The following DOCK3 variants were observed in gnomAD, a reference collection of about 807,000 sequenced individuals.
The protein encoded by DOCK3 is dedicator of cytokinesis protein 3.
Under a neutral mutation model 265.6 loss-of-function variants are expected in DOCK3, and 60 were observed. The ratio of observed to expected loss-of-function variants is 0.23; its 90% CI spans 0.18 to 0.28. The LOEUF (loss-of-function observed/expected upper bound fraction) is 0.28, where lower values mean the gene tolerates loss of function less well. Ranked by LOEUF, DOCK3 falls within the 10% of genes least tolerant of loss-of-function variation. DOCK3 has a pLI of 1.00. For missense variants in DOCK3, 1,981 were observed against 2,594.3 expected, an observed-to-expected ratio of 0.76 and a Z score of 5.14; for synonymous variants, 881 against 938.0, an observed-to-expected ratio of 0.94 and a Z score of 1.11.
At chr3:50,862,291 A>G (rs2046954283) in intron 3 of DOCK3, among the ~76,000 whole-genome samples, 1 of 152,252 alleles carries the variant, frequency 6.6e-6, no homozygotes, top group Non-Finnish European at 1.5e-5. Flanking sequence ...GAATTAGCTT[A>G]CATATATCGT....
chr3:50,904,132 T>C (rs2049347268), intron 4 of DOCK3, among the ~76,000 whole-genome samples: 1 of 152,250 alleles, frequency 6.6e-6, no homozygotes, highest in Non-Finnish European at 1.5e-5. Flanking sequence ...ATGGTGTATA[T>C]GTGCCACATT....
chr3:51,059,342 G>C (rs943749896), intron 5 of DOCK3, among the ~76,000 whole-genome samples: 1 of 151,938 alleles, frequency 6.6e-6, no homozygotes, highest in Admixed American at 6.6e-5. Flanking sequence ...GGATTTCAAT[G>C]TATGAATTTA....
chr3:50,961,845 T>G (rs1357738116), intron 5 of DOCK3, among the ~76,000 whole-genome samples: 1 of 152,206 alleles, frequency 6.6e-6, no homozygotes, highest in Non-Finnish European at 1.5e-5. Context: ...TAGTATGGTA[T>G]GTATGAAATG....
rs77809165 is a variant in DOCK3, at chr3:50,795,276, T to C, written c.121+16518T>C. On this transcript the variant is annotated intron_variant, in intron 2 of 52. Transcript: ENST00000266037. ...CATTTCCTGCATTTAAATGTTGGCC[T>C]GTCGAGGTTGGAGGAAGCTCTCATT... 1.8e-4 allele frequency among the ~76,000 whole-genome samples: 28 copies of C among 152,348 alleles called. 1 individual carries two copies. In the East Asian group the frequency reaches 5.0e-3, roughly 27 times the overall value.
intron 22 of DOCK3, among the ~76,000 whole-genome samples, chr3:51,258,614 G>A (rs981851762): frequency 6.6e-6 from 1 of 151,830 alleles, no homozygotes; most frequent in Non-Finnish European, 1.5e-5. Flanking sequence ...CGCCATTCTC[G>A]TGCCTCAGCC....
chr3:50,764,933 T>G (rs2108420991), intron 1 of DOCK3, among the ~76,000 whole-genome samples: 1 of 152,226 alleles, frequency 6.6e-6, no homozygotes, highest in South Asian at 2.1e-4. Flanking sequence ...TTTGTTTTGT[T>G]TTGTTTTTAG....
intron 5 of DOCK3, among the ~76,000 whole-genome samples, chr3:51,046,048 T>C (rs1032672353): frequency 6.6e-6 from 1 of 151,982 alleles, no homozygotes; most frequent in South Asian, 2.1e-4. Context: ...TCATAAGAAG[T>C]TTTACAAAAG....
At chr3:50,730,078 G>T (rs1316837345) in intron 1 of DOCK3, among the ~76,000 whole-genome samples, 1 of 152,102 alleles carries the variant, frequency 6.6e-6, no homozygotes, top group Non-Finnish European at 1.5e-5. Context: ...GGTTTCACTT[G>T]TGAATTAATT....
chr3:50,900,107 T>C (rs952196878), intron 4 of DOCK3, among the ~76,000 whole-genome samples: 1 of 152,206 alleles, frequency 6.6e-6, no homozygotes, highest in African/African-American at 2.4e-5. Context: ...CACTTTCAGG[T>C]ACACCAATCA....
intron 1 of DOCK3, among the ~76,000 whole-genome samples, chr3:50,737,592 T>C (rs1275023954): frequency 6.6e-6 from 1 of 152,170 alleles, no homozygotes; most frequent in Non-Finnish European, 1.5e-5. Context: ...TTCCTTTGGC[T>C]TTTTTTCAGT....
At chr3:51,234,595 A>G (rs2078275995) in intron 19 of DOCK3, among the ~76,000 whole-genome samples, 1 of 152,194 alleles carries the variant, frequency 6.6e-6, no homozygotes, top group Non-Finnish European at 1.5e-5. Flanking sequence ...TTTAAGCCTG[A>G]TATCTTTCTG....
chr3:50,984,602 C>G (rs2077825133), intron 5 of DOCK3, among the ~76,000 whole-genome samples: 1 of 152,148 alleles, frequency 6.6e-6, no homozygotes, highest in Non-Finnish European at 1.5e-5. Context: ...CACTGTTAGT[C>G]TGATGGGGGT....
intron 1 of DOCK3, among the ~76,000 whole-genome samples, chr3:50,739,221 A>G (rs1035723370): frequency 9.2e-5 from 14 of 152,286 alleles, no homozygotes; most frequent in Non-Finnish European, 1.6e-4. Context: ...ACTACTCTTT[A>G]TATACCACAG....
intron 2 of DOCK3, among the ~76,000 whole-genome samples, chr3:50,838,536 C>G (rs1274113530): frequency 6.6e-6 from 1 of 152,136 alleles, no homozygotes; most frequent in East Asian, 1.9e-4. Context: ...AACACTCAAT[C>G]TGAACATCAA....
intron 1 of DOCK3, among the ~76,000 whole-genome samples, chr3:50,767,990 G>A (rs1316530402): frequency 6.6e-6 from 1 of 152,184 alleles, no homozygotes; most frequent in African/African-American, 2.4e-5. Context: ...TGCTGAAGTT[G>A]CTAATCAGCT....
In DOCK3 at chr3:51,049,811, ACACACACACACACACACC is replaced by A. The variant is rs1396700284; in HGVS notation, c.316-14635_316-14618del. Among the ~76,000 whole-genome samples the A allele has an allele frequency of 7.7e-5, 11 of 143,142 alleles. No homozygotes were observed. The East Asian group carries it at 1.9e-3, about 24-fold the overall frequency. The allele number at this position is 143,142 out of a possible 152,430, so 93.9% of individuals were successfully genotyped here. On this transcript the variant is annotated intron_variant, in intron 5 of 52. Transcript: ENST00000266037. Reference sequence around the variant, plus strand: ...AATGGGTCCACACACACACACACACACACACACACACACACACCCCAAAAAAACACTGTTAGAACTAAT... The same window carrying A: ...AATGGGTCCACACACACACACACACACCAAAAAAACACTGTTAGAACTAAT...
chr3:51,095,496 C>T (rs1228874445), intron 9 of DOCK3, among the ~76,000 whole-genome samples: 4 of 152,012 alleles, frequency 2.6e-5, no homozygotes, highest in African/African-American at 4.8e-5. Context: ...CCACAGCCCT[C>T]CTTGGGGTAT....
rs80316780 is a variant in DOCK3 at position 50,831,778 on chromosome 3, G to A, written c.122-9897G>A. Among the ~76,000 whole-genome samples, 1,051 of 152,102 alleles carry A rather than the reference G, an allele frequency of 6.9e-3. 14 individuals carry two copies. The highest frequency in any genetic ancestry group is 0.024 in the African/African-American group (984 of 41,480). On this transcript the variant is annotated intron_variant, in intron 2 of 52. Coordinates refer to ENST00000266037, the MANE Select transcript of DOCK3 (RefSeq NM_004947.5). ...GATTGCTAGGTCAAATGGTATTTCC[G>A]GTTCTAGATCTTTGAGGAATTACCA...
intron 5 of DOCK3, among the ~76,000 whole-genome samples, chr3:50,946,096 A>T (rs1038105911): frequency 8.4e-6 from 1 of 118,920 alleles, no homozygotes; most frequent in Non-Finnish European, 1.6e-5. Context: ...CCATCTCTTA[A>T]AAAAAAAAAA....
Sources: gnomAD v4.1 joint callset for allele counts (sites outside exome capture counted in the v4.1 genomes callset) on GRCh38, gnomAD v4.1.1 for gene constraint, MANE v1.5 for transcripts, NCBI Gene and HGNC (gene_info 2026-07-23, HGNC 2026-07-21) for gene names.